The following LPP variants were observed in gnomAD, a reference collection of about 807,000 sequenced individuals.
LPP encodes LIM domain containing preferred translocation partner in lipoma.
In LPP, 38 loss-of-function variants were observed where a neutral mutation model predicts 60.4. The observed-to-expected ratio is 0.63, with a 90% CI of 0.49 to 0.83. The LOEUF (loss-of-function observed/expected upper bound fraction) is 0.83, where lower values mean the gene tolerates loss of function less well. LPP is among the 40% of genes least tolerant of loss of function. The probability of loss-of-function intolerance (pLI) is 0.00; values close to 1 mark genes in which losing one functional copy is unlikely to be tolerated. For synonymous variants in LPP, 328 were observed against 290.8 expected, an observed-to-expected ratio of 1.13 and a Z score of -1.30; for missense variants, 902 against 783.6, an observed-to-expected ratio of 1.15 and a Z score of -1.80.
intron 2 of LPP, among the ~76,000 whole-genome samples, chr3:188,339,220 AGAGT>A (rs375323553): frequency 2.0e-5 from 3 of 152,204 alleles, no homozygotes; most frequent in African/African-American, 2.4e-5. Context: ...CCAAAAGGCT[AGAGT>A]GGGATTTGTC....
In LPP at chr3:188,883,986, G is replaced by C. The variant is rs1195722794; in HGVS notation, c.*9507G>C. 3.2e-5 allele frequency: 7 copies of C among 219,086 alleles called. No individual in the cohort carries two copies. The highest frequency in any genetic ancestry group is 5.5e-5 in the Non-Finnish European group (6 of 109,324). The allele number at this position is 219,086 out of a possible 1,614,324, so 13.6% of individuals were successfully genotyped here. ...TTAAATAATATACCTTTGTCATGGG[G>C]AAGACCATGATTGTGGCTTCTTCTA... On this transcript the variant is annotated 3_prime_UTR_variant, in exon 12 of 12. Coordinates refer to ENST00000617246, the MANE Select transcript of LPP (RefSeq NM_001375462.1).
intron 7 of LPP, among the ~76,000 whole-genome samples, chr3:188,639,901 C>T (rs1397437899): frequency 3.3e-5 from 5 of 151,930 alleles, no homozygotes; most frequent in Non-Finnish European, 4.4e-5. Flanking sequence ...GAAATAGGAA[C>T]ACTTTTACAC....
chr3:188,831,803 C>A (rs1388488826), intron 9 of LPP, among the ~76,000 whole-genome samples: 1 of 152,238 alleles, frequency 6.6e-6, no homozygotes, highest in Non-Finnish European at 1.5e-5. Flanking sequence ...CTACATGTAC[C>A]TTAACATGTA....
At chr3:188,240,616 A>G (rs531569045) in intron 2 of LPP, among the ~76,000 whole-genome samples, 4 of 152,284 alleles carry the variant, frequency 2.6e-5, no homozygotes, top group Admixed American at 6.5e-5. Context: ...CCAGCAACAT[A>G]TTTGGGTAGA....
At chr3:188,813,220 T>C (rs978513387) in intron 9 of LPP, among the ~76,000 whole-genome samples, 1 of 152,228 alleles carries the variant, frequency 6.6e-6, no homozygotes, top group Non-Finnish European at 1.5e-5. Flanking sequence ...ATGAACCTAC[T>C]GGACTCCAGT....
Position 188,453,755 on chromosome 3 carries a change from G to C in LPP, c.194-30837G>C, listed in dbSNP as rs376393348. Among the ~76,000 whole-genome samples, 6 of 152,022 alleles carry C rather than the reference G, an allele frequency of 3.9e-5. No homozygotes were observed. The East Asian group carries it at 1.2e-3, about 29-fold the overall frequency. On this transcript the variant is annotated intron_variant, in intron 4 of 11. Transcript: ENST00000617246. ...GTCTCCCCTGATTCTTTAGCTGAAAGTTATTTTGATTTCCTCTGAGTTCCT... is the reference window on the plus strand; with the variant it reads ...GTCTCCCCTGATTCTTTAGCTGAAACTTATTTTGATTTCCTCTGAGTTCCT...
chr3:188,511,541 G>C (rs1815671120), intron 5 of LPP, among the ~76,000 whole-genome samples: 1 of 151,756 alleles, frequency 6.6e-6, no homozygotes, highest in Admixed American at 6.6e-5. Flanking sequence ...GTGTTAGAAG[G>C]GAAGACCTTT....
intron 9 of LPP, among the ~76,000 whole-genome samples, chr3:188,799,548 C>T (rs1050771197): frequency 2.6e-5 from 4 of 152,248 alleles, no homozygotes; most frequent in Admixed American, 1.3e-4. Context: ...AGCTCTTTAT[C>T]GTTACTAAAT....
rs892535636 is a variant in LPP, at chr3:188,877,764, G to T, written c.*3285G>T. The T allele has an allele frequency of 1.9e-5, 4 of 208,166 alleles. No homozygotes were observed. Among genetic ancestry groups the T allele is most frequent in the Non-Finnish European group, 3.9e-5 (4 of 102,238 alleles). 12.9% of individuals were successfully genotyped at this position (208,166 alleles called of 1,614,324 possible). A position where few individuals can be genotyped will look rare whatever the true frequency, so the allele number is the denominator to read the frequency against. ...TAAAAAAACAAATAAATAAATAATC[G>T]ACTCAAAAATAAGTCATGTGTCCCA... On this transcript the variant is annotated 3_prime_UTR_variant, in exon 12 of 12. Transcript: ENST00000617246.
At chr3:188,420,265 C>T (rs1787435771) in intron 4 of LPP, among the ~76,000 whole-genome samples, 1 of 152,034 alleles carries the variant, frequency 6.6e-6, no homozygotes. Flanking sequence ...ATTTGCATTA[C>T]ACCTTTGTTA....
intron 5 of LPP, among the ~76,000 whole-genome samples, chr3:188,511,145 C>T (rs1007547993): frequency 8.4e-6 from 1 of 118,870 alleles, no homozygotes; most frequent in Non-Finnish European, 1.7e-5. Context: ...TCCTTTCTTC[C>T]TACCTGCCTC....
intron 9 of LPP, among the ~76,000 whole-genome samples, chr3:188,767,675 T>C (rs981604501): frequency 6.6e-6 from 1 of 152,060 alleles, no homozygotes; most frequent in Non-Finnish European, 1.5e-5. Flanking sequence ...AGCCATATAG[T>C]AGAACAAGAA....
intron 9 of LPP, among the ~76,000 whole-genome samples, chr3:188,804,842 T>C (rs1748591523): frequency 1.3e-5 from 2 of 152,122 alleles, no homozygotes; most frequent in Admixed American, 1.3e-4. Context: ...TTATTGAACA[T>C]GCTCTTTATT....
At chr3:188,834,288 T>C (rs1757792358) in intron 9 of LPP, among the ~76,000 whole-genome samples, 1 of 151,838 alleles carries the variant, frequency 6.6e-6, no homozygotes, top group South Asian at 2.1e-4. Flanking sequence ...AAACTTATTA[T>C]TTACCATTTT....
In LPP at chr3:188,206,287, C is replaced by G. The variant is rs138910631; in HGVS notation, c.-189-19118C>G. Reference sequence around the variant, plus strand: ...AGGTCCTGCAACCACAGAGTAGCTGCAGGACCTTCAGGATGTCCCGAGCCA... The same window carrying G: ...AGGTCCTGCAACCACAGAGTAGCTGGAGGACCTTCAGGATGTCCCGAGCCA... On this transcript the variant is annotated intron_variant, in intron 1 of 11. Transcript: ENST00000617246. Among the ~76,000 whole-genome samples the G allele has an allele frequency of 9.8e-4, 150 of 152,302 alleles. 1 individual carries two copies. Among genetic ancestry groups the G allele is most frequent in the African/African-American group, 3.3e-3 (137 of 41,568 alleles).
chr3:188,172,383 A>C (rs1721833766), intron 1 of LPP, among the ~76,000 whole-genome samples: 1 of 152,138 alleles, frequency 6.6e-6, no homozygotes, highest in Non-Finnish European at 1.5e-5. Context: ...TAATAAGAAA[A>C]TTACTTATCT....
At chr3:188,547,506 G>A (rs1001972141) in intron 6 of LPP, among the ~76,000 whole-genome samples, 7 of 152,100 alleles carry the variant, frequency 4.6e-5, no homozygotes, top group African/African-American at 9.7e-5. Flanking sequence ...ATAAAGCTGC[G>A]GGCCTGTCTC....
Position 188,733,185 on chromosome 3 carries a change from A to G in LPP, c.1240+24792A>G, listed in dbSNP as rs116508060. Among the ~76,000 whole-genome samples the G allele has an allele frequency of 5.5e-3, 834 of 152,168 alleles. 12 individuals are homozygous for G. Among genetic ancestry groups the G allele is most frequent in the African/African-American group, 0.019 (780 of 41,510 alleles). Reference sequence around the variant, plus strand: ...GTCTCATATGTGACTGTGGATGGGTACAGTCTAAAGGGAACATTTCTTTAT... The same window carrying G: ...GTCTCATATGTGACTGTGGATGGGTGCAGTCTAAAGGGAACATTTCTTTAT... On this transcript the variant is annotated intron_variant, in intron 8 of 11. Coordinates refer to ENST00000617246, the MANE Select transcript of LPP (RefSeq NM_001375462.1).
intron 3 of LPP, among the ~76,000 whole-genome samples, chr3:188,349,740 T>C (rs879454462): frequency 6.6e-6 from 1 of 152,166 alleles, no homozygotes; most frequent in Admixed American, 6.5e-5. Context: ...TTTACCACAG[T>C]GGTAAAAGCA....
Sources: gnomAD v4.1 joint callset for allele counts (sites outside exome capture counted in the v4.1 genomes callset) on GRCh38, gnomAD v4.1.1 for gene constraint, MANE v1.5 for transcripts, NCBI Gene and HGNC (gene_info 2026-07-23, HGNC 2026-07-21) for gene names.